The following ZP1 variants were observed in gnomAD, a reference collection of about 807,000 sequenced individuals.
The protein encoded by ZP1 is zona pellucida glycoprotein 1.
In ZP1, 58 loss-of-function variants were observed where a neutral mutation model predicts 67.4. That is an observed-to-expected ratio of 0.86 (90% CI 0.70 to 1.07). The LOEUF is 1.07. Ranked by LOEUF, ZP1 falls within the 50% of genes least tolerant of loss-of-function variation. The probability of loss-of-function intolerance (pLI) is 0.00; values close to 1 mark genes in which losing one functional copy is unlikely to be tolerated. For missense variants in ZP1, 759 were observed against 807.3 expected (o/e 0.94, Z 0.72); for synonymous variants, 333 against 332.7 (o/e 1.00, Z -0.01).
intron 6 of ZP1, among the ~76,000 whole-genome samples, chr11:60,872,885 A>C (rs1412968249): frequency 6.6e-6 from 1 of 152,132 alleles, no homozygotes; most frequent in Non-Finnish European, 1.5e-5. Context: ...CAGCCCCCCG[A>C]GGGCCCATCT....
At position 60,868,647 on chromosome 11, in the gene ZP1, G is replaced by A. The variant is rs1251467449; in HGVS notation, c.197-498G>A. On this transcript the variant is annotated intron_variant, in intron 1 of 11. Coordinates refer to ENST00000278853, the MANE Select transcript of ZP1 (RefSeq NM_207341.4). ...AACAAGCAGGGTGGACACCTAGGGGGTGTCTCCAAGCAACTGCAGCAGCCA... is the reference window on the plus strand; with the variant it reads ...AACAAGCAGGGTGGACACCTAGGGGATGTCTCCAAGCAACTGCAGCAGCCA... Among the ~76,000 whole-genome samples, 6 of 152,304 alleles carry A rather than the reference G, an allele frequency of 3.9e-5. No homozygotes were observed. In the South Asian group the frequency reaches 6.2e-4, roughly 16 times the overall value.
At chr11:60,869,435 G>T in intron 2 of ZP1, 102 bp from the exon 3 acceptor site, 1 of 1,508,036 alleles carries the variant, frequency 6.6e-7, no homozygotes, top group African/African-American at 1.4e-5. Context: ...CATGAATCCA[G>T]CTCCCTGCCT....
intron 4 of ZP1, 65 bp downstream of exon 4, chr11:60,870,540 C>T (rs1295167496): frequency 5.3e-6 from 8 of 1,518,660 alleles, no homozygotes; most frequent in Non-Finnish European, 7.1e-6. Flanking sequence ...AGAGCTGTCT[C>T]CTCCAGCTGG....
At chr11:60,875,454 G>C in intron 11 of ZP1, 60 bp from the exon 12 acceptor site, 2 of 1,599,626 alleles carry the variant, frequency 1.3e-6, no homozygotes, top group Non-Finnish European at 1.7e-6. Context: ...CAAAGTTCTG[G>C]GGTGGAGGGG....
At position 60,870,855 on chromosome 11, in the gene ZP1, A is replaced by G. The variant is rs1855553025; in HGVS notation, c.827-102A>G. Reference sequence around the variant, plus strand: ...CAGCCTAAGTGGAGAGTAAGCGTCCATTCTCCTAGACCGGCACTTAAAGCC... The same window carrying G: ...CAGCCTAAGTGGAGAGTAAGCGTCCGTTCTCCTAGACCGGCACTTAAAGCC... On this transcript the variant is annotated intron_variant, in intron 4 of 11. Transcript: ENST00000278853. The G allele has an allele frequency of 3.8e-6, 5 of 1,323,220 alleles. No homozygotes were observed. The Admixed American group carries it at 6.7e-5, about 18-fold the overall frequency. 82.0% of individuals were successfully genotyped at this position (1,323,220 alleles called of 1,614,324 possible). A position where few individuals can be genotyped will look rare whatever the true frequency, so the allele number is the denominator to read the frequency against.
intron 3 of ZP1, among the ~76,000 whole-genome samples, 185 bp from the exon 4 acceptor site, chr11:60,870,147 T>C (rs1302344310): frequency 6.6e-6 from 1 of 152,260 alleles, no homozygotes. Flanking sequence ...ATTGAAACCA[T>C]TGCCAGCAAC....
chr11:60,869,326 A>C, intron 2 of ZP1, 60 bp downstream of exon 2: 2 of 1,601,426 alleles, frequency 1.2e-6, no homozygotes, highest in Non-Finnish European at 1.7e-6. Flanking sequence ...TGTCAGGCTG[A>C]AGAGGCCCCT....
intron 6 of ZP1, among the ~76,000 whole-genome samples, chr11:60,872,288 G>A (rs1284129327): frequency 6.6e-6 from 1 of 152,216 alleles, no homozygotes; most frequent in Non-Finnish European, 1.5e-5. Context: ...ACTCTCTGAT[G>A]TAAGAGCTCT....
intron 9 of ZP1, 79 bp from the exon 10 acceptor site, chr11:60,874,854 G>A (rs1855669773): frequency 6.9e-7 from 1 of 1,441,086 alleles, no homozygotes; most frequent in Non-Finnish European, 9.7e-7. Flanking sequence ...CCCAGCTCGG[G>A]GATTCCATGT....
In ZP1 at chr11:60,871,103, G is replaced by A; in HGVS notation, c.973G>A (p.Val325Ile). 1 of 1,614,156 alleles carries A rather than the reference G, an allele frequency of 6.2e-7. No individual in the cohort carries two copies. The highest frequency in any genetic ancestry group is 8.5e-7 in the Non-Finnish European group (1 of 1,180,006). ...AACACAGCACACGGAAGCTTTCGTG[G>A]TCTTCTACTTCCCTCTCACCCACTG... The part of the protein sequence containing the change: ...SPTQHTEAFV[V>I]FYFPLTHCGT... Residue 325 changes from valine to isoleucine, a missense_variant, in exon 5 of 12, where the codon GTC becomes ATC. Val to Ile is a conservative substitution (Grantham distance 29, BLOSUM62 3). Coordinates refer to ENST00000278853, the MANE Select transcript of ZP1 (RefSeq NM_207341.4).
intron 6 of ZP1, among the ~76,000 whole-genome samples, chr11:60,872,884 G>A (rs1057213843): frequency 2.6e-5 from 4 of 152,128 alleles, no homozygotes; most frequent in Non-Finnish European, 5.9e-5. Flanking sequence ...CCAGCCCCCC[G>A]AGGGCCCATC....
intron 1 of ZP1, among the ~76,000 whole-genome samples, chr11:60,868,896 C>T (rs1855515115): frequency 1.3e-5 from 2 of 152,250 alleles, no homozygotes; most frequent in Non-Finnish European, 1.5e-5. Flanking sequence ...TCGTGCCTGC[C>T]TGCTGCCGTG....
chr11:60,869,097 TCCCTGCACCCTTCAACATCCCTGG>T, intron 1 of ZP1, 24 bp from the exon 2 acceptor site: 1 of 1,612,646 alleles, frequency 6.2e-7, no homozygotes, highest in South Asian at 1.1e-5. Context: ...CAGCAACCTC[TCCCTGCACCCTTCAACATCCCTGG>T]CCCCTCCCCT....
intron 9 of ZP1, among the ~76,000 whole-genome samples, chr11:60,874,171 G>A (rs1453510176): frequency 6.6e-6 from 1 of 152,158 alleles, no homozygotes; most frequent in Non-Finnish European, 1.5e-5. Flanking sequence ...ATATACAGAT[G>A]GCCTCAGAGG....
chr11:60,870,212 G>A (rs1308624653), intron 3 of ZP1, 120 bp from the exon 4 acceptor site: 2 of 1,039,914 alleles, frequency 1.9e-6, no homozygotes, highest in Non-Finnish European at 1.3e-6. Flanking sequence ...AGTTTTGAGG[G>A]AGGACATTTA....
rs1565102295 is a variant in ZP1, at chr11:60,869,183, A to G, written c.235A>G (p.Ile79Val). 2 of 1,614,132 alleles carry G rather than the reference A, an allele frequency of 1.2e-6. No individual in the cohort carries two copies. The highest frequency in any genetic ancestry group is 1.7e-6 in the Non-Finnish European group (2 of 1,180,024). ...CCGATTTGATGTCAACAACTGCTCCATCTGCTACCACTGGGTCACCTCCAG... is the reference window on the plus strand; with the variant it reads ...CCGATTTGATGTCAACAACTGCTCCGTCTGCTACCACTGGGTCACCTCCAG... Reference protein sequence around the residue: ...GNRFDVNNCSICYHWVTSRPQ... With the variant: ...GNRFDVNNCSVCYHWVTSRPQ... Residue 79 changes from isoleucine to valine, a missense_variant, in exon 2 of 12, where the codon ATC (isoleucine) becomes GTC (valine). Physicochemically the swap from Ile to Val is conservative, Grantham distance 29. Coordinates refer to ENST00000278853, the MANE Select transcript of ZP1 (RefSeq NM_207341.4).
At position 60,871,200 on chromosome 11, in the gene ZP1, G is replaced by A. The variant is rs987812398; in HGVS notation, c.1015-17G>A. The A allele has an allele frequency of 1.2e-6, 2 of 1,613,940 alleles. No individual in the cohort carries two copies. The highest frequency in any genetic ancestry group is 1.7e-6 in the Non-Finnish European group (2 of 1,180,050). On this transcript the variant is annotated splice_polypyrimidine_tract_variant and intron_variant, in intron 5 of 11. Coordinates refer to ENST00000278853, the MANE Select transcript of ZP1 (RefSeq NM_207341.4). The stretch of plus-strand genomic sequence containing the variant: ...GTCCCCCACCAGAAAGCCTCACCCA[G>A]CTGTCTCTTCCTACAGGTGGCTGGC...
intron 6 of ZP1, among the ~76,000 whole-genome samples, chr11:60,871,776 G>T (rs1045954350): frequency 6.6e-6 from 1 of 152,228 alleles, no homozygotes; most frequent in South Asian, 2.1e-4. Flanking sequence ...GGAACTGGGT[G>T]GGGGAGGAAC....
At chr11:60,871,344 G>C in intron 6 of ZP1, 30 bp downstream of exon 6, 1 of 1,608,580 alleles carries the variant, frequency 6.2e-7, no homozygotes, top group Non-Finnish European at 8.5e-7. Context: ...TACAGGCGTG[G>C]CTGTGTGCTA....
Sources: gnomAD v4.1 joint callset for allele counts (sites outside exome capture counted in the v4.1 genomes callset) on GRCh38, gnomAD v4.1.1 for gene constraint, MANE v1.5 for transcripts, NCBI Gene and HGNC (gene_info 2026-07-23, HGNC 2026-07-21) for gene names.